Variants in WNT3A observed in about 807,000 individuals in gnomAD.
WNT3A encodes protein Wnt-3a.
A neutral mutation model predicts 37.0 loss-of-function variants in WNT3A; 17 were observed. The observed-to-expected ratio is 0.46, with a 90% CI of 0.31 to 0.69. WNT3A has a LOEUF of 0.69. WNT3A is among the 30% of genes least tolerant of loss of function. The probability of loss-of-function intolerance (pLI) is 0.05; values close to 1 mark genes in which losing one functional copy is unlikely to be tolerated. For missense variants in WNT3A, 411 were observed against 510.2 expected, an observed-to-expected ratio of 0.81 and a Z score of 1.87; for synonymous variants, 187 against 211.0, an observed-to-expected ratio of 0.89 and a Z score of 0.99.
Position 228,038,052 on chromosome 1 carries a change from G to A in WNT3A, c.314-12604G>A, listed in dbSNP as rs1435918417. On this transcript the variant is annotated intron_variant, in intron 2 of 3. Coordinates refer to ENST00000284523, the MANE Select transcript of WNT3A (RefSeq NM_033131.4). The surrounding 1 kb of genome is among the most constrained non-coding windows in gnomAD (Gnocchi z 5.7). Reference sequence around the variant, plus strand: ...CAAAGCCGGATTCAAGCGCCCCAGCGGGTCAGCACGGCGCCCGGCCGCGCG... The same window carrying A: ...CAAAGCCGGATTCAAGCGCCCCAGCAGGTCAGCACGGCGCCCGGCCGCGCG... 1.3e-5 allele frequency among the ~76,000 whole-genome samples: 2 copies of A among 152,048 alleles called. No homozygotes were observed. The highest frequency in any genetic ancestry group is 2.9e-5 in the Non-Finnish European group (2 of 67,972).
chr1:228,024,552 A>G (rs1255456713), intron 2 of WNT3A, among the ~76,000 whole-genome samples: 1 of 152,066 alleles, frequency 6.6e-6, no homozygotes, highest in Non-Finnish European at 1.5e-5. Flanking sequence ...TTCTTTATAT[A>G]TTCTGGATAC....
In WNT3A at chr1:228,059,511, G is replaced by C; in HGVS notation, c.*46G>C. 6.8e-7 allele frequency: 1 copy of C among 1,464,520 alleles called. No homozygotes were observed. Among genetic ancestry groups the C allele is most frequent in the Non-Finnish European group, 9.0e-7 (1 of 1,115,762 alleles). The allele number at this position is 1,464,520 out of a possible 1,614,324, so 90.7% of individuals were successfully genotyped here. A position where few individuals can be genotyped will look rare whatever the true frequency, so the allele number is the denominator to read the frequency against. ...TGGACGGGGCGGGCCCTGCCTGAGG[G>C]TGGGCTTTTCCCTGGGTGGAGCAGG... On this transcript the variant is annotated 3_prime_UTR_variant, in exon 4 of 4. Coordinates refer to ENST00000284523, the MANE Select transcript of WNT3A (RefSeq NM_033131.4).
intron 3 of WNT3A, among the ~76,000 whole-genome samples, chr1:228,054,714 A>G (rs2102781829): frequency 6.6e-6 from 1 of 150,774 alleles, no homozygotes; most frequent in South Asian, 2.1e-4. Context: ...AGTGAGTTAA[A>G]CCAGAAAAAA....
chr1:228,058,457 C>G (rs1412741079), intron 3 of WNT3A, among the ~76,000 whole-genome samples: 1 of 152,224 alleles, frequency 6.6e-6, no homozygotes, highest in African/African-American at 2.4e-5. Context: ...AGGTCCTGCC[C>G]GGTCCCCCAA....
chr1:228,059,569 G>A lies in WNT3A; in HGVS notation c.*104G>A. The A allele has an allele frequency of 7.1e-7, 1 of 1,399,598 alleles. No individual in the cohort carries two copies. The highest frequency in any genetic ancestry group is 1.6e-5 in the South Asian group (1 of 62,820). 86.7% of individuals were successfully genotyped at this position (1,399,598 alleles called of 1,614,324 possible). On this transcript the variant is annotated 3_prime_UTR_variant, in exon 4 of 4. Coordinates refer to ENST00000284523, the MANE Select transcript of WNT3A (RefSeq NM_033131.4). ...CCTAAACGGGGCAGTACTCCTCCCT[G>A]GGGGCGGGACTCCTCCCTGGGGGTG... is the stretch of plus-strand genomic sequence containing the variant.
intron 2 of WNT3A, among the ~76,000 whole-genome samples, chr1:228,032,074 C>A (rs1571802830): frequency 6.6e-6 from 1 of 152,320 alleles, no homozygotes; most frequent in Non-Finnish European, 1.5e-5. Flanking sequence ...TATTTCATTG[C>A]CCTCCAGAAT....
chr1:228,029,707 G>C (rs563429974), intron 2 of WNT3A, among the ~76,000 whole-genome samples: 4 of 151,588 alleles, frequency 2.6e-5, no homozygotes, highest in African/African-American at 9.7e-5. Flanking sequence ...CCTCCTCCCT[G>C]TCCTCCCCGC....
intron 2 of WNT3A, among the ~76,000 whole-genome samples, chr1:228,047,989 A>C (rs2031461902): frequency 6.6e-6 from 1 of 152,124 alleles, no homozygotes; most frequent in Non-Finnish European, 1.5e-5. Flanking sequence ...TCCAGACTAC[A>C]TCAGCCCCAT....
intron 3 of WNT3A, among the ~76,000 whole-genome samples, chr1:228,052,806 A>G (rs2102780730): frequency 6.6e-6 from 1 of 152,342 alleles, no homozygotes; most frequent in African/African-American, 2.4e-5. Flanking sequence ...TAATTACCCA[A>G]TTCATGATAG....
At chr1:228,014,045 G>A (rs1047446376) in intron 1 of WNT3A, among the ~76,000 whole-genome samples, 25 of 152,198 alleles carry the variant, frequency 1.6e-4, no homozygotes, top group African/African-American at 5.8e-4. Flanking sequence ...CCCAGGAGGC[G>A]ACCAGCTGGA....
rs118122921 is a variant in WNT3A at position 228,057,868 on chromosome 1, G to A, written c.580-1118G>A. Among the ~76,000 whole-genome samples, 556 of 152,258 alleles carry A rather than the reference G, an allele frequency of 3.7e-3. 11 individuals carry two copies. The highest frequency in any genetic ancestry group is 0.03 in the East Asian group (155 of 5,180). ...TTGGTTTGGTTTGAGACAGACTCTCGCCCTGTAGCCCAGGCTGGATGGAGT... is the reference window on the plus strand; with the variant it reads ...TTGGTTTGGTTTGAGACAGACTCTCACCCTGTAGCCCAGGCTGGATGGAGT... On this transcript the variant is annotated intron_variant, in intron 3 of 3. Coordinates refer to ENST00000284523, the MANE Select transcript of WNT3A (RefSeq NM_033131.4).
chr1:228,034,137 C>T (rs1159770932), intron 2 of WNT3A, among the ~76,000 whole-genome samples: 1 of 152,086 alleles, frequency 6.6e-6, no homozygotes. Context: ...TGGCACATGC[C>T]TGTAGTCCCA....
chr1:228,059,462 G>A lies in WNT3A; in HGVS notation c.1056G>A (p.Lys352=). 1.3e-6 allele frequency: 2 copies of A among 1,504,310 alleles called. No homozygotes were observed. Among genetic ancestry groups the A allele is most frequent in the South Asian group, 1.3e-5 (1 of 74,792 alleles). 93.2% of individuals were successfully genotyped at this position (1,504,310 alleles called of 1,614,324 possible). ...CTRVYDVHTC[K] ...GCGTCTACGACGTGCACACCTGCAA[G>A]TAGGCACCGGCCGCGGCTCCCCCTG... The change falls in exon 4 of 4, where the codon AAG becomes AAA. Residue 352 remains lysine, a synonymous_variant. Transcript: ENST00000284523.
chr1:228,020,658 G>A (rs1270452678), intron 1 of WNT3A, among the ~76,000 whole-genome samples: 1 of 152,232 alleles, frequency 6.6e-6, no homozygotes, highest in Non-Finnish European at 1.5e-5. Flanking sequence ...CAAAATGGTG[G>A]AGGGGGTGTG....
chr1:228,048,213 G>A (rs2031468393), intron 2 of WNT3A, among the ~76,000 whole-genome samples: 1 of 152,192 alleles, frequency 6.6e-6, no homozygotes, highest in Non-Finnish European at 1.5e-5. Context: ...CCCATAGAGA[G>A]GGCCCATCGG....
intron 2 of WNT3A, among the ~76,000 whole-genome samples, chr1:228,045,098 C>T (rs180776621): frequency 3.9e-4 from 60 of 152,374 alleles, no homozygotes; most frequent in African/African-American, 1.3e-3. Flanking sequence ...ACCACCCGCC[C>T]TTGCCCTTGA....
chr1:228,024,134 C>T (rs1367952887), intron 2 of WNT3A, among the ~76,000 whole-genome samples: 1 of 152,234 alleles, frequency 6.6e-6, no homozygotes, highest in Non-Finnish European at 1.5e-5. Flanking sequence ...ACGCCGTTTT[C>T]ACACCTTTTG....
chr1:228,043,862 T>C (rs138655059), intron 2 of WNT3A, among the ~76,000 whole-genome samples: 2,025 of 152,292 alleles, frequency 0.013, 21 homozygotes, highest in African/African-American at 0.022. Context: ...CTCTAGAACC[T>C]TGGGTGGAAT....
intron 2 of WNT3A, among the ~76,000 whole-genome samples, chr1:228,041,862 C>A (rs971881453): frequency 2.0e-5 from 3 of 152,254 alleles, no homozygotes; most frequent in Admixed American, 1.3e-4. Context: ...GGACTCTCTT[C>A]TCCTGAAAGT....
Sources: gnomAD v4.1 joint callset for allele counts (sites outside exome capture counted in the v4.1 genomes callset) on GRCh38, gnomAD v4.1.1 for gene constraint, Gnocchi (gnomAD v3.1) non-coding constraint, MANE v1.5 for transcripts, NCBI Gene and HGNC (gene_info 2026-07-23, HGNC 2026-07-21) for gene names.